NMT2: variants seen among roughly 807,000 people sequenced by gnomAD.
NMT2 encodes the protein glycylpeptide N-tetradecanoyltransferase 2.
In NMT2, 35 loss-of-function variants were observed where a neutral mutation model predicts 65.4. The ratio of observed to expected loss-of-function variants is 0.54; its 90% confidence interval spans 0.41 to 0.71. The LOEUF is 0.71. Among genes scored for constraint, NMT2 ranks in the 30% least tolerant of loss-of-function variants. The probability of loss-of-function intolerance (pLI) is 0.00; values close to 1 mark genes in which losing one functional copy is unlikely to be tolerated. For missense variants in NMT2, 489 were observed against 611.3 expected, an observed-to-expected ratio of 0.80 and a Z score of 2.11; for synonymous variants, 226 against 231.8, an observed-to-expected ratio of 0.98 and a Z score of 0.23.
rs749035522 is a variant in NMT2 at position 15,133,251 on chromosome 10, G to A, written c.504C>T (p.Ala168=). The A allele has an allele frequency of 6.8e-6, 11 of 1,612,998 alleles. No homozygotes were observed. Among genetic ancestry groups the A allele is most frequent in the East Asian group, 2.2e-5 (1 of 44,876 alleles). ...FMWDTLDLSD[A]EVLKELYTLL... is the part of the protein sequence containing the mutation. The stretch of plus-strand genomic sequence containing the variant: ...GAGGTTTTTACTCACTCACCACTTC[G>A]GCATCACTCAAGTCTAAAGTGTCCC... Residue 168 remains alanine (A), a synonymous_variant, in exon 4 of 12, where the codon GCC becomes GCT. Transcript: ENST00000378165.
intron 1 of NMT2, among the ~76,000 whole-genome samples, chr10:15,156,110 G>A (rs1027269159): frequency 3.3e-5 from 5 of 152,238 alleles, no homozygotes; most frequent in African/African-American, 7.2e-5. Context: ...CAGATAAGGC[G>A]GTGATGTGGT....
intron 2 of NMT2, among the ~76,000 whole-genome samples, chr10:15,140,020 T>C (rs2131574387): frequency 6.6e-6 from 1 of 151,246 alleles, no homozygotes. Context: ...GGAAGTGCAG[T>C]ACCCAGGCAA....
Position 15,133,067 on chromosome 10 carries a change from G to A in NMT2, c.588C>T (p.Pro196=), listed in dbSNP as rs35558698. 1.5e-3 allele frequency: 2,425 copies of A among 1,613,804 alleles called. 29 individuals carry two copies. The African/African-American group carries it at 0.028, about 18-fold the overall frequency. Residue 196 remains proline, a synonymous_variant, in exon 5 of 12, where the codon CCC becomes CCT. Transcript: ENST00000378165. ...DDNMFRFDYS[P]EFLLWALRPP... ...ATGAGACTTACCACAACAGGAACTCGGGTGAATAGTCAAATCGGAACATAT... is the reference window on the plus strand; with the variant it reads ...ATGAGACTTACCACAACAGGAACTCAGGTGAATAGTCAAATCGGAACATAT...
intron 1 of NMT2, 52 bp downstream of exon 1, chr10:15,168,449 GGC>G (rs1452985347): frequency 2.2e-6 from 3 of 1,360,294 alleles, no homozygotes; most frequent in Admixed American, 3.6e-5. Context: ...GGGAGACCGT[GGC>G]GCGCGCGGTC....
intron 10 of NMT2, 42 bp downstream of exon 10, chr10:15,112,754 A>G (rs1312370753): frequency 1.3e-6 from 2 of 1,565,430 alleles, no homozygotes; most frequent in East Asian, 2.3e-5. Context: ...TGGCACAGAC[A>G]TTTGGAGAAC....
In NMT2 at chr10:15,119,531, A is replaced by T; in HGVS notation, c.1000-18T>A. ...TTTGTAACCTTGTTGGAGGGGAAAC[A>T]AAACAAATCCAGAAGTTCAGGTAGA... On this transcript the variant is annotated intron_variant, in intron 8 of 11. Coordinates refer to ENST00000378165, the MANE Select transcript of NMT2 (RefSeq NM_004808.3). The T allele has an allele frequency of 6.2e-7, 1 of 1,610,594 alleles. No individual in the cohort carries two copies. Among genetic ancestry groups the T allele is most frequent in the Non-Finnish European group, 8.5e-7 (1 of 1,177,794 alleles).
intron 6 of NMT2, 37 bp from the exon 7 acceptor site, chr10:15,130,349 C>A: frequency 7.0e-7 from 1 of 1,432,560 alleles, no homozygotes; most frequent in Non-Finnish European, 9.4e-7. Context: ...AGAGTCAAAA[C>A]GAGATTCAAA....
chr10:15,168,059 G>T (rs1833434101), intron 1 of NMT2, among the ~76,000 whole-genome samples: 1 of 152,230 alleles, frequency 6.6e-6, no homozygotes. Flanking sequence ...CGGAGAGGGA[G>T]TCTGAAGGGA....
rs115545434 is a variant in NMT2 at position 15,156,901 on chromosome 10, A to C, written c.110+11602T>G. Among the ~76,000 whole-genome samples, 1,443 of 152,030 alleles carry C rather than the reference A, an allele frequency of 9.5e-3. 23 individuals carry two copies. Among genetic ancestry groups the C allele is most frequent in the African/African-American group, 0.029 (1,205 of 41,510 alleles). ...ACAGAGCTAGACTCTGTCTCAACAA[A>C]AAAAAAAAAGGTTTCGCAAAAAGAA... is the stretch of plus-strand genomic sequence containing the variant. On this transcript the variant is annotated intron_variant, in intron 1 of 11. Transcript: ENST00000378165.
intron 1 of NMT2, among the ~76,000 whole-genome samples, chr10:15,164,314 G>A (rs1833305363): frequency 1.3e-5 from 2 of 151,032 alleles, no homozygotes; most frequent in Admixed American, 6.6e-5. Flanking sequence ...AATCTTCTTA[G>A]TAGCTGCTTC....
rs1168330946 is a variant in NMT2 at position 15,107,193 on chromosome 10, CAT to C, written c.*2000_*2001del. The C allele has an allele frequency of 2.7e-5, 6 of 224,778 alleles. No homozygotes were observed. Among genetic ancestry groups the C allele is most frequent in the African/African-American group, 7.0e-5 (3 of 42,574 alleles). The allele number at this position is 224,778 out of a possible 1,614,324, so 13.9% of individuals were successfully genotyped here. A position where few individuals can be genotyped will look rare whatever the true frequency, so the allele number is the denominator to read the frequency against. On this transcript the variant is annotated 3_prime_UTR_variant, in exon 12 of 12. Transcript: ENST00000378165. ...GAATTTGAATTTTGTGTAATTTGCA[CAT>C]GTCACAAAATGATGTCATTTTTTGG...
At chr10:15,145,241 T>C (rs1446885872) in intron 1 of NMT2, among the ~76,000 whole-genome samples, 1 of 152,126 alleles carries the variant, frequency 6.6e-6, no homozygotes, top group Non-Finnish European at 1.5e-5. Context: ...GGTCAGGGGC[T>C]GGGAAGATGG....
At chr10:15,121,115 T>G (rs567622452) in intron 8 of NMT2, among the ~76,000 whole-genome samples, 2 of 152,268 alleles carry the variant, frequency 1.3e-5, no homozygotes, top group South Asian at 4.1e-4. Context: ...AATTTTAAAC[T>G]GAGAAATACA....
chr10:15,146,198 C>T (rs896412049), intron 1 of NMT2, among the ~76,000 whole-genome samples: 2 of 152,190 alleles, frequency 1.3e-5, no homozygotes, highest in African/African-American at 4.8e-5. Context: ...AGCTTCCATC[C>T]AGAGAGAATC....
Position 15,108,160 on chromosome 10 carries a change from T to C in NMT2, c.*1035A>G. 2 of 985,040 alleles carry C rather than the reference T, an allele frequency of 2.0e-6. No individual in the cohort carries two copies. Among genetic ancestry groups the C allele is most frequent in the Non-Finnish European group, 2.4e-6 (2 of 829,870 alleles). The allele number at this position is 985,040 out of a possible 1,614,324, so 61.0% of individuals were successfully genotyped here. The stretch of plus-strand genomic sequence containing the variant: ...TGAACTTTGCACAACAGCAGAAAAG[T>C]CTAGTTAGTCGCGGGTACAGGCTCT... On this transcript the variant is annotated 3_prime_UTR_variant, in exon 12 of 12. Transcript: ENST00000378165.
At chr10:15,143,324 T>TA (rs2131583125) in intron 1 of NMT2, among the ~76,000 whole-genome samples, 1 of 152,356 alleles carries the variant, frequency 6.6e-6, no homozygotes, top group Non-Finnish European at 1.5e-5. Context: ...CCTAGGGGAT[T>TA]ATCCCTCTCC....
At position 15,168,645 on chromosome 10, in the gene NMT2, G is replaced by A. The variant is rs377631217; in HGVS notation, c.-33C>T. 23 of 1,532,032 alleles carry A rather than the reference G, an allele frequency of 1.5e-5. No homozygotes were observed. The African/African-American group carries it at 3.0e-4, about 20-fold the overall frequency. 94.9% of individuals were successfully genotyped at this position (1,532,032 alleles called of 1,614,324 possible). A position where few individuals can be genotyped will look rare whatever the true frequency, so the allele number is the denominator to read the frequency against. On this transcript the variant is annotated 5_prime_UTR_variant, in exon 1 of 12. Transcript: ENST00000378165. ...GCGCTGGCTGGGGAGGCGGTGCTCG[G>A]GGCCGGGCCGGAGCGGCCGCAGCTC...
chr10:15,109,161 A>G lies in NMT2; in HGVS notation c.*34T>C, dbSNP rs1845418603. ...AGAAATCATTAAATATTAACAAATG[A>G]TGATGTCAGAGTTCTAGAAATAAAA... On this transcript the variant is annotated 3_prime_UTR_variant, in exon 12 of 12. Transcript: ENST00000378165. The G allele has an allele frequency of 1.2e-6, 2 of 1,600,238 alleles. No individual in the cohort carries two copies. Among genetic ancestry groups the G allele is most frequent in the Middle Eastern group, 1.7e-4 (1 of 6,034 alleles).
chr10:15,122,906 A>G (rs985661597), intron 8 of NMT2, among the ~76,000 whole-genome samples: 12 of 152,102 alleles, frequency 7.9e-5, no homozygotes, highest in African/African-American at 2.4e-4. Flanking sequence ...TGAAAAAATT[A>G]CATACTAGTG....
Sources: gnomAD v4.1 joint callset for allele counts (sites outside exome capture counted in the v4.1 genomes callset) on GRCh38, gnomAD v4.1.1 for gene constraint, MANE v1.5 for transcripts, NCBI Gene and HGNC (gene_info 2026-07-23, HGNC 2026-07-21) for gene names.